CEP72: variants seen among roughly 807,000 people sequenced by gnomAD.
The protein encoded by CEP72 is centrosomal protein 72.
A neutral mutation model predicts 65.7 loss-of-function variants in CEP72; 78 were observed. That is an observed-to-expected ratio of 1.19 (90% CI 0.99 to 1.43). The LOEUF (loss-of-function observed/expected upper bound fraction) is 1.43, where lower values mean the gene tolerates loss of function less well. CEP72 is among the 40% of genes most tolerant of loss of function. The pLI is 0.00. For missense variants in CEP72, 914 were observed against 832.9 expected (o/e 1.10, Z -1.20); for synonymous variants, 358 against 351.7 (o/e 1.02, Z -0.20).
chr5:674,713 G>A, the CEP72 span, among the ~76,000 whole-genome samples: 1 of 152,026 alleles, frequency 6.6e-6, no homozygotes, highest in African/African-American at 2.4e-5. Context: ...CGCTGCTGCA[G>A]GAGGCTGCAG....
chr5:618,728 C>G (rs1736156839), intron 1 of CEP72, among the ~76,000 whole-genome samples: 1 of 152,088 alleles, frequency 6.6e-6, no homozygotes. Flanking sequence ...AAAGAGAGGC[C>G]AGGGTGAGCA....
At position 633,504 on chromosome 5, in the gene CEP72, T is replaced by C. The variant is rs868646577; in HGVS notation, c.513-265T>C. ...GTCCTGGTGGGGTTCTGTCCAGTGC[T>C]GGGATTTGGCCCAGTCCTGGTGGGG... On this transcript the variant is annotated intron_variant, in intron 4 of 11. Transcript: ENST00000264935. Among the ~76,000 whole-genome samples, 359 of 115,536 alleles carry C rather than the reference T, an allele frequency of 3.1e-3. 1 individual carries two copies. Among genetic ancestry groups the C allele is most frequent in the Middle Eastern group, 0.014 (2 of 148 alleles). 75.8% of individuals were successfully genotyped at this position (115,536 alleles called of 152,430 possible).
chr5:634,904 T>A (rs1737482947), intron 5 of CEP72, among the ~76,000 whole-genome samples: 1 of 152,250 alleles, frequency 6.6e-6, no homozygotes, highest in Non-Finnish European at 1.5e-5. Flanking sequence ...TTTTTTGTTT[T>A]GTTTATTTTG....
At chr5:641,062 G>T in intron 9 of CEP72, 1 of 985,430 alleles carries the variant, frequency 1.0e-6, no homozygotes, top group Non-Finnish European at 1.2e-6. Flanking sequence ...TATCACCTTG[G>T]ATTTCTGTGT....
At chr5:635,656 A>G in intron 6 of CEP72, 72 bp downstream of exon 6, 7 of 1,248,160 alleles carry the variant, frequency 5.6e-6, no homozygotes, top group Non-Finnish European at 5.8e-6. Context: ...TTTATAAAGA[A>G]CAGAAGCTTA....
chr5:637,372 AG>A, intron 6 of CEP72, 144 bp from the exon 7 acceptor site: 1 of 679,958 alleles, frequency 1.5e-6, no homozygotes, highest in Admixed American at 2.6e-5. Flanking sequence ...GCACGTGGAT[AG>A]GTGTGCGTGT....
rs1384848982 is a variant in CEP72, at chr5:645,213, C to T, written c.1666+788C>T. On this transcript the variant is annotated intron_variant, in intron 10 of 11. Transcript: ENST00000264935. This position sits in a 1 kb window ranked among gnomAD's most constrained non-coding sequence, Gnocchi z 4.0. Reference sequence around the variant, plus strand: ...CTGTCCCAACCAGCGGTGGCCTTTGCGGCAGGGAGGCAGCTGTGGATGAGG... The same window carrying T: ...CTGTCCCAACCAGCGGTGGCCTTTGTGGCAGGGAGGCAGCTGTGGATGAGG... Among the ~76,000 whole-genome samples, 1 of 152,048 alleles carries T rather than the reference C, an allele frequency of 6.6e-6. No individual in the cohort carries two copies.
intron 4 of CEP72, among the ~76,000 whole-genome samples, chr5:629,260 C>G (rs1311741633): frequency 6.6e-6 from 1 of 152,260 alleles, no homozygotes; most frequent in Admixed American, 6.5e-5. Context: ...AAACATTCTC[C>G]CTGAATGTGA....
At chr5:661,741 T>C (rs72707007), downstream of CEP72, 19,397 of 152,468 alleles carry the variant, frequency 0.13, 1,581 homozygotes, top group Non-Finnish European at 0.19. Flanking sequence ...AAGTTGTAAC[T>C]GACAGTGGTG....
At chr5:671,815 T>TA (rs1394269304), downstream of CEP72, among the ~76,000 whole-genome samples, 1 of 152,004 alleles carries the variant, frequency 6.6e-6, no homozygotes, top group African/African-American at 2.4e-5. Context: ...AGCCGCCGAG[T>TA]GCAAGCCCGG....
intron 1 of CEP72, 35 bp from the exon 2 acceptor site, chr5:618,955 A>G: frequency 6.6e-7 from 1 of 1,526,106 alleles, no homozygotes; most frequent in Non-Finnish European, 9.0e-7. Flanking sequence ...TTTTCAAAAT[A>G]AAAGATTAAA....
At chr5:634,587 T>C (rs1159112639) in intron 5 of CEP72, among the ~76,000 whole-genome samples, 2 of 152,230 alleles carry the variant, frequency 1.3e-5, no homozygotes, top group Non-Finnish European at 2.9e-5. Context: ...CCTTTAATCC[T>C]AGCTGCTCTG....
intron 1 of CEP72, chr5:612,656 G>C (rs977742268): frequency 3.1e-6 from 3 of 978,444 alleles, no homozygotes; most frequent in Non-Finnish European, 3.6e-6. Context: ...TTCGGGTCCC[G>C]GCGTCCCGGC....
chr5:645,925 C>T lies in CEP72; in HGVS notation c.1666+1500C>T, dbSNP rs1056878822. On this transcript the variant is annotated intron_variant, in intron 10 of 11. Coordinates refer to ENST00000264935, the MANE Select transcript of CEP72 (RefSeq NM_018140.4). This position sits in a 1 kb window ranked among gnomAD's most constrained non-coding sequence, Gnocchi z 4.0. ...CCTGTGTGGACGGTGAATTCGGCTTCGTTACACTGTGTGAGCGTCACTCCT... is the reference window on the plus strand; with the variant it reads ...CCTGTGTGGACGGTGAATTCGGCTTTGTTACACTGTGTGAGCGTCACTCCT... Among the ~76,000 whole-genome samples, 2 of 151,568 alleles carry T rather than the reference C, an allele frequency of 1.3e-5. No homozygotes were observed. The highest frequency in any genetic ancestry group is 4.9e-5 in the African/African-American group (2 of 41,188).
At chr5:648,955 A>G (rs1345930995) in intron 11 of CEP72, among the ~76,000 whole-genome samples, 3 of 114,590 alleles carry the variant, frequency 2.6e-5, no homozygotes, top group Non-Finnish European at 1.8e-5. Flanking sequence ...AGGTGTGACC[A>G]CGAGGCATGG....
chr5:653,941 TGCTCTGTGCTA>T (rs1478846646), downstream of CEP72, among the ~76,000 whole-genome samples: 2 of 152,168 alleles, frequency 1.3e-5, no homozygotes, highest in Admixed American at 1.3e-4. Flanking sequence ...AAGAAGAAAA[TGCTCTGTGCTA>T]GCTCTGTGTG....
rs769966410 is a variant in CEP72 at position 633,929 on chromosome 5, G to A, written c.673G>A (p.Asp225Asn). 65 of 1,611,972 alleles carry A rather than the reference G, an allele frequency of 4.0e-5. No individual in the cohort carries two copies. The highest frequency in any genetic ancestry group is 1.3e-4 in the Admixed American group (8 of 60,010). The change falls in exon 5 of 12, where the codon GAC (aspartate) becomes AAC (asparagine). Residue 225 changes from aspartate to asparagine, a missense_variant. Coordinates refer to ENST00000264935, the MANE Select transcript of CEP72 (RefSeq NM_018140.4). ...TSFSQKGREA[D>N]SRGSQESRHL... Reference sequence around the variant, plus strand: ...CTTCAGCCAGAAGGGGCGTGAGGCCGACTCTCGTGGTTCCCAAGGTGCGCT... The same window carrying A: ...CTTCAGCCAGAAGGGGCGTGAGGCCAACTCTCGTGGTTCCCAAGGTGCGCT...
chr5:673,394 A>G, the CEP72 span, among the ~76,000 whole-genome samples: 1 of 151,640 alleles, frequency 6.6e-6, no homozygotes, highest in African/African-American at 2.4e-5. Flanking sequence ...TGAGGGTGGG[A>G]GAGAGGAGGA....
chr5:647,884 G>C lies in CEP72; in HGVS notation c.1746G>C (p.Gln582His). Reference protein sequence around the residue: ...KQHLEHYDKIQELTQMLQESH... With the variant: ...KQHLEHYDKIHELTQMLQESH... ...ACCTGGAGCACTACGACAAGATCCAGGAGCTCACGCAGATGCTGCAGGAGA... is the reference window on the plus strand; with the variant it reads ...ACCTGGAGCACTACGACAAGATCCACGAGCTCACGCAGATGCTGCAGGAGA... The change falls in exon 11 of 12, where the codon CAG becomes CAC. Residue 582 changes from glutamine (Q) to histidine (H), a missense_variant. Gln to His is a conservative substitution (Grantham distance 24). Coordinates refer to ENST00000264935, the MANE Select transcript of CEP72 (RefSeq NM_018140.4). The C allele has an allele frequency of 6.2e-7, 1 of 1,612,588 alleles. No homozygotes were observed. The highest frequency in any genetic ancestry group is 8.5e-7 in the Non-Finnish European group (1 of 1,179,908).
Sources: gnomAD v4.1 joint callset for allele counts (sites outside exome capture counted in the v4.1 genomes callset) on GRCh38, gnomAD v4.1.1 for gene constraint, Gnocchi (gnomAD v3.1) non-coding constraint, MANE v1.5 for transcripts, NCBI Gene and HGNC (gene_info 2026-07-23, HGNC 2026-07-21) for gene names.